Variants in PHLDB2 observed in about 807,000 individuals in gnomAD.
PHLDB2 encodes pleckstrin homology like domain family B member 2.
Under a neutral mutation model 123.6 loss-of-function variants are expected in PHLDB2, and 71 were observed. The observed-to-expected ratio is 0.57, with a 90% CI of 0.47 to 0.70. The LOEUF is 0.70. PHLDB2 is among the 30% of genes least tolerant of loss of function. The pLI is 0.00. For synonymous variants in PHLDB2, 547 were observed against 541.6 expected, an observed-to-expected ratio of 1.01 and a Z score of -0.14; for missense variants, 1,446 against 1,519.5, an observed-to-expected ratio of 0.95 and a Z score of 0.80.
chr3:111,785,610 C>T (rs2060649457), intron 1 of PHLDB2, among the ~76,000 whole-genome samples: 1 of 152,020 alleles, frequency 6.6e-6, no homozygotes. Context: ...CCCCTCCCAC[C>T]CAAAAATACC....
At chr3:111,845,964 G>A (rs1559864890) in intron 2 of PHLDB2, 1 of 1,601,990 alleles carries the variant, frequency 6.2e-7, no homozygotes, top group Admixed American at 1.7e-5. Flanking sequence ...GAGGTTTTCA[G>A]TACATATTTA....
intron 5 of PHLDB2, among the ~76,000 whole-genome samples, chr3:111,923,815 G>A (rs1230125992): frequency 6.6e-6 from 1 of 152,118 alleles, no homozygotes; most frequent in Non-Finnish European, 1.5e-5. Context: ...TCCACTAACA[G>A]CATTCTCTTC....
chr3:111,903,911 T>C (rs2067349178), intron 2 of PHLDB2, among the ~76,000 whole-genome samples: 1 of 152,194 alleles, frequency 6.6e-6, no homozygotes, highest in African/African-American at 2.4e-5. Flanking sequence ...AACTGTGTTA[T>C]AGGTCTGATA....
chr3:111,882,766 G>A (rs183074903), intron 1 of PHLDB2, among the ~76,000 whole-genome samples: 2 of 152,292 alleles, frequency 1.3e-5, no homozygotes, highest in East Asian at 1.9e-4. Context: ...CTCACAAAGT[G>A]TGTGAAGCTA....
chr3:111,781,358 T>C (rs1200622452), intron 1 of PHLDB2, among the ~76,000 whole-genome samples: 5 of 151,930 alleles, frequency 3.3e-5, no homozygotes, highest in African/African-American at 1.2e-4. Flanking sequence ...AATCCACATG[T>C]CTCCCATCCT....
At chr3:111,890,857 A>C (rs1283005) in intron 2 of PHLDB2, among the ~76,000 whole-genome samples, 2,859 of 152,112 alleles carry the variant, frequency 0.019, 92 homozygotes, top group African/African-American at 0.065. Flanking sequence ...AAATAATTTT[A>C]CTTTTTTGGT....
At chr3:111,869,705 CTGTGTG>C (rs756821881) in intron 1 of PHLDB2, among the ~76,000 whole-genome samples, 30 of 25,284 alleles carry the variant, frequency 1.2e-3, no homozygotes, top group Admixed American at 4.2e-3. Context: ...GTGTCTGTCT[CTGTGTG>C]TGTGTGTGTG....
In PHLDB2 at chr3:111,782,850, A is replaced by G. The variant is rs1456547063; in HGVS notation, c.-49+50147A>G. 2.6e-5 allele frequency among the ~76,000 whole-genome samples: 4 copies of G among 152,248 alleles called. No individual in the cohort carries two copies. In the South Asian group the frequency reaches 8.3e-4, roughly 32 times the overall value. On this transcript the variant is annotated intron_variant, in intron 1 of 17. Coordinates refer to the PHLDB2 transcript ENST00000393923. ...ATTTTTGTTCTCAGGCTATTCAGAG[A>G]GAAAAAAGTTTTGAAATATTTTTAG...
chr3:111,838,933 A>C (rs570217770), intron 1 of PHLDB2, among the ~76,000 whole-genome samples: 38 of 152,236 alleles, frequency 2.5e-4, no homozygotes, highest in Non-Finnish European at 4.1e-4. Context: ...AGAATTCAGC[A>C]GAATGAATAT....
At chr3:111,845,640 A>G (rs781643303) in intron 1 of PHLDB2, among the ~76,000 whole-genome samples, 7 of 152,180 alleles carry the variant, frequency 4.6e-5, no homozygotes, top group Non-Finnish European at 7.3e-5. Context: ...GTTGTTTTAC[A>G]GGGAAGATAG....
At chr3:111,894,499 A>G (rs1026910592) in intron 2 of PHLDB2, among the ~76,000 whole-genome samples, 1 of 151,886 alleles carries the variant, frequency 6.6e-6, no homozygotes, top group Non-Finnish European at 1.5e-5. Flanking sequence ...GACTTCCACA[A>G]TGGTTGAACT....
At position 111,945,341 on chromosome 3, in the gene PHLDB2, C is replaced by A; in HGVS notation, c.2471C>A (p.Pro824His). Residue 824 changes from proline (P) to histidine (H), a missense_variant, in exon 9 of 18, where the codon CCC (proline) becomes CAC (histidine). Pro to His is a moderately conservative substitution (Grantham distance 77). This residue lies in a region of PHLDB2 where 594 missense variants were observed against 646.0 expected (regional missense o/e 0.92). Coordinates refer to ENST00000431670, the MANE Select transcript of PHLDB2 (RefSeq NM_001134438.2). ...LSGGKGFPVN[P>H]NTLKEGYISV... is the part of the protein sequence containing the mutation. ...GGGGGGAAAGGGTTTCCCGTTAACCCCAATACTTTAAAAGAGGTAAGCTAT... is the reference window on the plus strand; with the variant it reads ...GGGGGGAAAGGGTTTCCCGTTAACCACAATACTTTAAAAGAGGTAAGCTAT... 1 of 1,603,190 alleles carries A rather than the reference C, an allele frequency of 6.2e-7. No individual in the cohort carries two copies. The highest frequency in any genetic ancestry group is 8.5e-7 in the Non-Finnish European group (1 of 1,171,054).
intron 1 of PHLDB2, among the ~76,000 whole-genome samples, chr3:111,845,610 G>T (rs2063943585): frequency 6.6e-6 from 1 of 152,168 alleles, no homozygotes; most frequent in African/African-American, 2.4e-5. Flanking sequence ...TGTCAGTGGT[G>T]CTGGTGGTGG....
intron 2 of PHLDB2, among the ~76,000 whole-genome samples, chr3:111,909,094 C>A (rs890691804): frequency 6.6e-6 from 1 of 152,154 alleles, no homozygotes; most frequent in Non-Finnish European, 1.5e-5. Flanking sequence ...CAGCTCTATG[C>A]CTTTGCTTCT....
intron 1 of PHLDB2, among the ~76,000 whole-genome samples, chr3:111,766,935 G>A (rs1289629285): frequency 3.3e-5 from 5 of 149,730 alleles, no homozygotes; most frequent in Admixed American, 6.7e-5. Flanking sequence ...GGAGGCTGAG[G>A]CAGGAGAATC....
intron 1 of PHLDB2, among the ~76,000 whole-genome samples, chr3:111,794,971 G>A (rs1249417801): frequency 2.6e-5 from 4 of 152,116 alleles, no homozygotes; most frequent in Non-Finnish European, 4.4e-5. Flanking sequence ...CTGTTTTTAT[G>A]TTCACTCCAG....
intron 3 of PHLDB2, among the ~76,000 whole-genome samples, chr3:111,917,895 G>A (rs1179565155): frequency 6.6e-6 from 1 of 152,062 alleles, no homozygotes; most frequent in Non-Finnish European, 1.5e-5. Flanking sequence ...GGGTTAATTT[G>A]AAGATTTTTT....
At chr3:111,926,788 G>A (rs921425183) in intron 5 of PHLDB2, among the ~76,000 whole-genome samples, 1 of 151,754 alleles carries the variant, frequency 6.6e-6, no homozygotes, top group Non-Finnish European at 1.5e-5. Context: ...AAAGTTTCAT[G>A]GGGAAAAAAA....
chr3:111,784,207 C>T (rs1237440513), intron 1 of PHLDB2, among the ~76,000 whole-genome samples: 3 of 152,002 alleles, frequency 2.0e-5, no homozygotes, highest in South Asian at 2.1e-4. Flanking sequence ...GACATATGTC[C>T]GAACAGGAAT....
Sources: gnomAD v4.1 joint callset for allele counts (sites outside exome capture counted in the v4.1 genomes callset) on GRCh38, gnomAD v4.1.1 for gene constraint, gnomAD v4.1.1 regional missense constraint, MANE v1.5 for transcripts, NCBI Gene and HGNC (gene_info 2026-07-23, HGNC 2026-07-21) for gene names.